PLXDC1: variants seen among roughly 807,000 people sequenced by gnomAD.
PLXDC1 encodes the protein plexin domain-containing protein 1.
A neutral mutation model predicts 61.3 loss-of-function variants in PLXDC1; 39 were observed. That is an observed-to-expected ratio of 0.64 (90% CI 0.49 to 0.83). The LOEUF (loss-of-function observed/expected upper bound fraction) is 0.83, where lower values mean the gene tolerates loss of function less well. Among genes scored for constraint, PLXDC1 ranks in the 40% least tolerant of loss-of-function variants. PLXDC1 has a pLI of 0.00. For synonymous variants in PLXDC1, 212 were observed against 254.5 expected, an observed-to-expected ratio of 0.83 and a Z score of 1.59; for missense variants, 596 against 666.5, an observed-to-expected ratio of 0.89 and a Z score of 1.17.
chr17:39,108,470 T>C (rs1390927018), intron 4 of PLXDC1: 8 of 572,492 alleles, frequency 1.4e-5, no homozygotes, highest in Admixed American at 6.0e-5. Context: ...GCACAGACTA[T>C]AGGGCGAGGG....
rs1291269803 is a variant in PLXDC1 at position 39,063,450 on chromosome 17, G to T, written c.*4390C>A. On this transcript the variant is annotated 3_prime_UTR_variant, in exon 14 of 14. Transcript: ENST00000315392. ...GTTTCTCTTGGAGGTGGTGCAGGAG[G>T]TTGAGGAAAGCACCTCTGATGAGCA... 1 of 702,944 alleles carries T rather than the reference G, an allele frequency of 1.4e-6. No individual in the cohort carries two copies. Among genetic ancestry groups the T allele is most frequent in the Non-Finnish European group, 2.6e-6 (1 of 384,982 alleles). 43.5% of individuals were successfully genotyped at this position (702,944 alleles called of 1,614,324 possible). A position where few individuals can be genotyped will look rare whatever the true frequency, so the allele number is the denominator to read the frequency against.
chr17:39,093,738 A>T (rs964021808), intron 7 of PLXDC1, among the ~76,000 whole-genome samples: 1 of 150,688 alleles, frequency 6.6e-6, no homozygotes, highest in East Asian at 2.0e-4. Context: ...TATATATATA[A>T]AATTAAGCCA....
intron 1 of PLXDC1, among the ~76,000 whole-genome samples, chr17:39,149,216 T>A (rs1380796398): frequency 1.3e-5 from 2 of 151,932 alleles, no homozygotes; most frequent in Non-Finnish European, 2.9e-5. Context: ...CGAGGGGAGA[T>A]CTCAGCTACT....
At chr17:39,122,239 C>T (rs1258394982) in intron 2 of PLXDC1, among the ~76,000 whole-genome samples, 1 of 151,476 alleles carries the variant, frequency 6.6e-6, no homozygotes, top group African/African-American at 2.4e-5. Context: ...CCCGTCTCTA[C>T]TAAAAATATT....
rs1567759244 is a variant in PLXDC1 at position 39,095,375 on chromosome 17, C to CTG, written c.812-7674_812-7673insCA. Among the ~76,000 whole-genome samples, 12 of 10,458 alleles carry CTG rather than the reference C, an allele frequency of 1.1e-3. 1 individual carries two copies. Among genetic ancestry groups the CTG allele is most frequent in the Admixed American group, 3.5e-3 (5 of 1,434 alleles). 6.9% of individuals were successfully genotyped at this position (10,458 alleles called of 152,430 possible). A position where few individuals can be genotyped will look rare whatever the true frequency, so the allele number is the denominator to read the frequency against. On this transcript the variant is annotated intron_variant, in intron 7 of 13. Coordinates refer to ENST00000315392, the MANE Select transcript of PLXDC1 (RefSeq NM_020405.5). ...AAGAATCCTTACGCCCCGCCCCCCCCCCCCAACCCCCCAAGCCTGGGTTAT... is the reference window on the plus strand; with the variant it reads ...AAGAATCCTTACGCCCCGCCCCCCCCTGCCCCAACCCCCCAAGCCTGGGTTAT...
Position 39,087,610 on chromosome 17 carries a change from G to A in PLXDC1, c.904C>T (p.Pro302Ser). 6.2e-7 allele frequency: 1 copy of A among 1,612,552 alleles called. No individual in the cohort carries two copies. Among genetic ancestry groups the A allele is most frequent in the Non-Finnish European group, 8.5e-7 (1 of 1,178,628 alleles). The change falls in exon 8 of 14, where the codon CCG becomes TCG. Residue 302 changes from proline (P) to serine (S), a missense_variant. By Grantham distance (74) the Pro-to-Ser change is moderately conservative (BLOSUM62 -1). Transcript: ENST00000315392. ...TGGCGGAATGACCCCTACTCACTCG[G>A]CAATGGGGTGAACTCCACGGCCGAC... Reference protein sequence around the residue: ...SMSAVEFTPLPTCLQHRSCDA... With the variant: ...SMSAVEFTPLSTCLQHRSCDA...
chr17:39,133,314 T>C (rs1911624265), intron 2 of PLXDC1, among the ~76,000 whole-genome samples: 1 of 152,044 alleles, frequency 6.6e-6, no homozygotes, highest in Non-Finnish European at 1.5e-5. Flanking sequence ...TGGAGCCACC[T>C]GAGTCTCGGG....
At chr17:39,105,738 C>A in intron 7 of PLXDC1, 116 bp downstream of exon 7, 1 of 650,064 alleles carries the variant, frequency 1.5e-6, no homozygotes, top group Non-Finnish European at 2.7e-6. Context: ...TGGTTTCCCT[C>A]TCAACTCTCT....
intron 2 of PLXDC1, among the ~76,000 whole-genome samples, chr17:39,109,718 G>A (rs1248040939): frequency 5.9e-5 from 9 of 152,222 alleles, no homozygotes; most frequent in African/African-American, 1.9e-4. Context: ...CAGGACCAAG[G>A]CTGAGCTTGG....
At chr17:39,070,280 G>C (rs1414111562) in intron 12 of PLXDC1, 1 of 349,850 alleles carries the variant, frequency 2.9e-6, no homozygotes, top group Non-Finnish European at 5.2e-6. Flanking sequence ...AGTTCTCTCT[G>C]ATATCTGTGC....
In PLXDC1 at chr17:39,114,921, G is replaced by A. The variant is rs534225658; in HGVS notation, c.256-5530C>T. Among the ~76,000 whole-genome samples, 13 of 152,318 alleles carry A rather than the reference G, an allele frequency of 8.5e-5. No individual in the cohort carries two copies. In the South Asian group the frequency reaches 1.7e-3, roughly 19 times the overall value. On this transcript the variant is annotated intron_variant, in intron 2 of 13. Coordinates refer to ENST00000315392, the MANE Select transcript of PLXDC1 (RefSeq NM_020405.5). ...CTCCGGGCGTCTGAAATGAGTGCCC[G>A]GGACAGAAGCCACGCTCTGCAGTTG...
At position 39,108,428 on chromosome 17, in the gene PLXDC1, TAGG is replaced by T; in HGVS notation, c.470-186_470-184del. 3 of 616,264 alleles carry T rather than the reference TAGG, an allele frequency of 4.9e-6. No homozygotes were observed. In the South Asian group the frequency reaches 5.7e-5, roughly 12 times the overall value. 38.2% of individuals were successfully genotyped at this position (616,264 alleles called of 1,614,324 possible). A position where few individuals can be genotyped will look rare whatever the true frequency, so the allele number is the denominator to read the frequency against. On this transcript the variant is annotated intron_variant, in intron 4 of 13. Coordinates refer to ENST00000315392, the MANE Select transcript of PLXDC1 (RefSeq NM_020405.5). ...GTGTATGGAGCCAAAGGACCCCAGA[TAGG>T]AGAAGGTCCTCCCTGTCCCTTCAGC...
intron 12 of PLXDC1, 138 bp downstream of exon 12, chr17:39,072,312 G>A (rs535540949): frequency 2.9e-6 from 2 of 685,758 alleles, no homozygotes; most frequent in East Asian, 5.4e-5. Context: ...CCACCCAGCA[G>A]GAGGTCTGGG....
chr17:39,133,615 G>A (rs1023635559), intron 2 of PLXDC1, among the ~76,000 whole-genome samples: 1 of 152,112 alleles, frequency 6.6e-6, no homozygotes, highest in Admixed American at 6.6e-5. Flanking sequence ...CCAATACATG[G>A]ATCATTCTTT....
rs1387193530 is a variant in PLXDC1 at position 39,063,607 on chromosome 17, C to T, written c.*4233G>A. The T allele has an allele frequency of 3.1e-6, 2 of 647,114 alleles. No individual in the cohort carries two copies. Among genetic ancestry groups the T allele is most frequent in the African/African-American group, 3.6e-5 (2 of 55,110 alleles). 40.1% of individuals were successfully genotyped at this position (647,114 alleles called of 1,614,324 possible). On this transcript the variant is annotated 3_prime_UTR_variant, in exon 14 of 14. Coordinates refer to ENST00000315392, the MANE Select transcript of PLXDC1 (RefSeq NM_020405.5). ...CCTTTGCACTTTCTTTTGCACACAG[C>T]AGGAGTTGTAAAAGAATGCTTCCTT...
chr17:39,130,356 G>A (rs2143863290), intron 2 of PLXDC1, among the ~76,000 whole-genome samples: 1 of 152,186 alleles, frequency 6.6e-6, no homozygotes, highest in East Asian at 1.9e-4. Context: ...GGGAGGCTGA[G>A]GTGGGAAGAT....
chr17:39,106,652 C>CT (rs367791150), intron 6 of PLXDC1, among the ~76,000 whole-genome samples: 27,273 of 139,580 alleles, frequency 0.2, 4,324 homozygotes, highest in African/African-American at 0.42. Flanking sequence ...CTTTTTCTTT[C>CT]TTTTTTTTTT....
chr17:39,071,349 T>C (rs1909110519), intron 12 of PLXDC1, among the ~76,000 whole-genome samples: 1 of 143,506 alleles, frequency 7.0e-6, no homozygotes. Context: ...ACAAAAATGT[T>C]GCATTCTTCC....
At chr17:39,140,151 C>A (rs1322163916) in intron 1 of PLXDC1, among the ~76,000 whole-genome samples, 1 of 152,202 alleles carries the variant, frequency 6.6e-6, no homozygotes, top group Non-Finnish European at 1.5e-5. Context: ...AGGTAAGTTT[C>A]AAACCCAAGC....
Sources: allele counts gnomAD v4.1 joint callset (sites outside exome capture counted in the v4.1 genomes callset), GRCh38; gene constraint gnomAD v4.1.1; transcripts MANE v1.5; gene names NCBI Gene and HGNC (gene_info 2026-07-23, HGNC 2026-07-21).